FANCI: variants seen among roughly 807,000 people sequenced by gnomAD.
FANCI encodes the protein FA complementation group I, also known as Fanconi anemia group I protein.
A neutral mutation model predicts 176.1 loss-of-function variants in FANCI; 156 were observed. That is an observed-to-expected ratio of 0.89 (90% CI 0.78 to 1.01). The LOEUF (loss-of-function observed/expected upper bound fraction) is 1.01, where lower values mean the gene tolerates loss of function less well. FANCI is among the 50% of genes least tolerant of loss of function. The probability of loss-of-function intolerance (pLI) is 0.00; values close to 1 mark genes in which losing one functional copy is unlikely to be tolerated. For synonymous variants in FANCI, 613 were observed against 541.7 expected, an observed-to-expected ratio of 1.13 and a Z score of -1.83; for missense variants, 1,678 against 1,534.1, an observed-to-expected ratio of 1.09 and a Z score of -1.57.
intron 34 of FANCI, among the ~76,000 whole-genome samples, chr15:89,308,590 T>C (rs145662648): frequency 6.6e-6 from 1 of 152,306 alleles, no homozygotes; most frequent in East Asian, 1.9e-4. Flanking sequence ...AGGCACAATA[T>C]CATTCTATCA....
intron 17 of FANCI, among the ~76,000 whole-genome samples, chr15:89,284,879 G>A (rs1474199685): frequency 6.6e-6 from 1 of 152,190 alleles, no homozygotes; most frequent in East Asian, 1.9e-4. Flanking sequence ...AATATGAACA[G>A]TTAATTTTGT....
At chr15:89,266,423 G>C (rs541919449) in intron 9 of FANCI, among the ~76,000 whole-genome samples, 8 of 150,888 alleles carry the variant, frequency 5.3e-5, no homozygotes, top group Non-Finnish European at 1.2e-4. Context: ...CTGCCTCCTG[G>C]GTTCAAGCGA....
At chr15:89,248,618 A>G (rs1478456721) in intron 2 of FANCI, among the ~76,000 whole-genome samples, 2 of 152,148 alleles carry the variant, frequency 1.3e-5, no homozygotes, top group East Asian at 1.9e-4. Flanking sequence ...TCTATAGACA[A>G]GATTTGATTG....
In FANCI at chr15:89,305,386, A is replaced by G. The variant is rs111374763; in HGVS notation, c.3232A>G (p.Arg1078Gly). ...KTNHFAIVNL[R>G]TAAPTVCLLV... is the part of the protein sequence containing the mutation. ...AAACCACTTTGCAATAGTGAATTTG[A>G]GAACGGCTGCCCCCACTGTCTGTGT... Residue 1078 changes from arginine (R) to glycine (G), a missense_variant, in exon 30 of 38, where the codon AGA (arginine) becomes GGA (glycine). This residue lies in a region of FANCI where 1,204 missense variants were observed against 1,077.4 expected (regional missense o/e 1.12). Coordinates refer to ENST00000310775, the MANE Select transcript of FANCI (RefSeq NM_001113378.2). 1 of 1,613,716 alleles carries G rather than the reference A, an allele frequency of 6.2e-7. No individual in the cohort carries two copies. Among genetic ancestry groups the G allele is most frequent in the African/African-American group, 1.3e-5 (1 of 74,918 alleles).
Position 89,253,487 on chromosome 15 carries a change from G to C in FANCI, c.85-5217G>C, listed in dbSNP as rs140496587. ...ATGATTGTGCCACTGCACTTCAACG[G>C]GTGAAAGTGAGACTCTGTCTCTTAA... is the stretch of plus-strand genomic sequence containing the variant. On this transcript the variant is annotated intron_variant, in intron 2 of 37. Transcript: ENST00000310775. Among the ~76,000 whole-genome samples the C allele has an allele frequency of 4.3e-3, 657 of 151,222 alleles. 3 individuals carry two copies. The highest frequency in any genetic ancestry group is 0.015 in the African/African-American group (627 of 41,124).
chr15:89,294,243 G>GT (rs1038575551), intron 23 of FANCI, among the ~76,000 whole-genome samples: 1 of 152,174 alleles, frequency 6.6e-6, no homozygotes, highest in African/African-American at 2.4e-5. Flanking sequence ...CCAGCAGGGT[G>GT]TTTTAAGAAA....
intron 18 of FANCI, among the ~76,000 whole-genome samples, chr15:89,286,472 A>T (rs562567846): frequency 6.6e-6 from 1 of 152,360 alleles, no homozygotes; most frequent in South Asian, 2.1e-4. Flanking sequence ...TGTGAAAACA[A>T]CATTCATCTT....
chr15:89,303,822 C>T (rs986803207), intron 27 of FANCI, 42 bp from the exon 28 acceptor site: 5 of 1,569,834 alleles, frequency 3.2e-6, no homozygotes, highest in Non-Finnish European at 4.4e-6. Flanking sequence ...CTAGGTCTAT[C>T]TCTGGCATGT....
rs1567143451 is a variant in FANCI, at chr15:89,261,747, T to G, written c.445+6T>G. 4 of 1,614,130 alleles carry G rather than the reference T, an allele frequency of 2.5e-6. No individual in the cohort carries two copies. The highest frequency in any genetic ancestry group is 2.5e-6 in the Non-Finnish European group (3 of 1,180,008). ...AAATCTGGCTTATGGAAAAGGTAAT[T>G]TTCTTCCGACTTTAGTGGCTTTTTC... On this transcript the variant is annotated splice_donor_region_variant and intron_variant, in intron 5 of 37. Coordinates refer to ENST00000310775, the MANE Select transcript of FANCI (RefSeq NM_001113378.2).
At chr15:89,288,801 G>T (rs913653746) in intron 18 of FANCI, among the ~76,000 whole-genome samples, 10 of 142,846 alleles carry the variant, frequency 7.0e-5, no homozygotes, top group African/African-American at 1.8e-4. Flanking sequence ...TTTTCTGTTT[G>T]TTTTTTTTTT....
At chr15:89,283,314 C>A in intron 17 of FANCI, 64 bp downstream of exon 17, 1 of 1,607,672 alleles carries the variant, frequency 6.2e-7, no homozygotes. Flanking sequence ...ATGAAATGCA[C>A]GCTGTTTTCT....
chr15:89,291,565 A>G, intron 19 of FANCI, 48 bp from the exon 20 acceptor site: 2 of 1,489,720 alleles, frequency 1.3e-6, no homozygotes, highest in Non-Finnish European at 1.9e-6. Context: ...TTAAAAAAGT[A>G]AAAAGCATTT....
In FANCI at chr15:89,294,965, A is replaced by G. The variant is rs933284199; in HGVS notation, c.2507A>G (p.Asn836Ser). ...QESLSVLRSS[N>S]EFMRYAVNVA... is the part of the protein sequence containing the mutation. ...AGCCTTTCTGTTCTCAGGTCCAGCA[A>G]TGAGTTTATGCGCTATGCAGTGAAT... The change falls in exon 24 of 38, where the codon AAT becomes AGT. Residue 836 changes from asparagine (N) to serine (S), a missense_variant. Asn to Ser is a conservative substitution (Grantham distance 46, BLOSUM62 1). Transcript: ENST00000310775. 1.7e-4 allele frequency: 266 copies of G among 1,552,232 alleles called. No individual in the cohort carries two copies. The highest frequency in any genetic ancestry group is 2.2e-4 in the Non-Finnish European group (250 of 1,147,128).
intron 34 of FANCI, among the ~76,000 whole-genome samples, chr15:89,310,022 T>G (rs1280254641): frequency 6.6e-6 from 1 of 152,240 alleles, no homozygotes; most frequent in African/African-American, 2.4e-5. Context: ...TTATGATTAG[T>G]AGTTATCCCC....
chr15:89,282,845 T>G (rs1257499379), intron 16 of FANCI: 6 of 396,404 alleles, frequency 1.5e-5, no homozygotes, highest in Non-Finnish European at 2.4e-5. Flanking sequence ...AACCAGCCAA[T>G]TTTACAGTCT....
intron 27 of FANCI, among the ~76,000 whole-genome samples, chr15:89,301,654 G>T (rs1288767988): frequency 6.6e-6 from 1 of 152,148 alleles, no homozygotes; most frequent in Non-Finnish European, 1.5e-5. Flanking sequence ...GCCATACAGG[G>T]CAAGAACATA....
chr15:89,251,946 A>G (rs1567137023), intron 2 of FANCI, among the ~76,000 whole-genome samples: 1 of 152,168 alleles, frequency 6.6e-6, no homozygotes, highest in South Asian at 2.1e-4. Flanking sequence ...ATTACTATAT[A>G]ATGTTCTGAT....
intron 2 of FANCI, among the ~76,000 whole-genome samples, chr15:89,255,254 G>A (rs1256128942): frequency 6.6e-6 from 1 of 152,136 alleles, no homozygotes; most frequent in Non-Finnish European, 1.5e-5. Context: ...TGTATCCCTG[G>A]CATAAGGACC....
At chr15:89,315,098 C>T (rs2055171750) in intron 36 of FANCI, among the ~76,000 whole-genome samples, 184 bp from the exon 37 acceptor site, 1 of 152,090 alleles carries the variant, frequency 6.6e-6, no homozygotes, top group African/African-American at 2.4e-5. Flanking sequence ...CATGAGCCAC[C>T]ACACTCAGCC....
Sources: gnomAD v4.1 joint callset for allele counts (sites outside exome capture counted in the v4.1 genomes callset) on GRCh38, gnomAD v4.1.1 for gene constraint, gnomAD v4.1.1 regional missense constraint, MANE v1.5 for transcripts, NCBI Gene and HGNC (gene_info 2026-07-23, HGNC 2026-07-21) for gene names.